The following MAEA variants were observed in gnomAD, a reference collection of about 807,000 sequenced individuals.
MAEA encodes the protein E3 ubiquitin-protein transferase MAEA.
MAEA carries 22 observed loss-of-function variants against 46.2 expected under a neutral mutation model. The ratio of observed to expected loss-of-function variants is 0.48; its 90% CI spans 0.34 to 0.68. The LOEUF is 0.68. MAEA is among the 30% of genes least tolerant of loss of function. The pLI, the probability that MAEA is intolerant of heterozygous loss-of-function variation, is 0.01. For missense variants in MAEA, 393 were observed against 558.1 expected (o/e 0.70, Z 2.98); for synonymous variants, 246 against 222.6 (o/e 1.11, Z -0.94).
chr4:1,292,107 C>T (rs114194415), intron 1 of MAEA, among the ~76,000 whole-genome samples: 6 of 152,238 alleles, frequency 3.9e-5, no homozygotes, highest in Admixed American at 1.3e-4. Context: ...GAGAAGGGAC[C>T]GAGGGCTGCA....
intron 1 of MAEA, among the ~76,000 whole-genome samples, chr4:1,308,469 A>G (rs760670116): frequency 7.9e-5 from 12 of 152,196 alleles, no homozygotes; most frequent in Non-Finnish European, 1.2e-4. Context: ...CTGGGGACTC[A>G]GGAGCCTTGT....
chr4:1,315,943 C>T (rs950336611), intron 3 of MAEA, among the ~76,000 whole-genome samples: 2 of 143,062 alleles, frequency 1.4e-5, no homozygotes, highest in African/African-American at 2.6e-5. Flanking sequence ...TGAGGGCCTC[C>T]TCCCCAGCTG....
intron 4 of MAEA, among the ~76,000 whole-genome samples, chr4:1,324,988 AT>A (rs1380928658): frequency 3.9e-5 from 6 of 152,026 alleles, no homozygotes; most frequent in African/African-American, 1.5e-4. Flanking sequence ...CTGAATCCAT[AT>A]TTAGATGCTG....
intron 3 of MAEA, among the ~76,000 whole-genome samples, chr4:1,319,493 G>A (rs998048069): frequency 6.6e-5 from 10 of 152,260 alleles, no homozygotes; most frequent in South Asian, 6.2e-4. Flanking sequence ...CCGGAGACCC[G>A]GACATTGGAG....
chr4:1,316,624 C>T (rs1415835004), intron 3 of MAEA, among the ~76,000 whole-genome samples: 1 of 152,114 alleles, frequency 6.6e-6, no homozygotes, highest in Non-Finnish European at 1.5e-5. Context: ...CACCTCCTCC[C>T]TGCTTCTGTC....
At chr4:1,308,887 T>G in intron 1 of MAEA, among the ~76,000 whole-genome samples, 1 of 152,228 alleles carries the variant, frequency 6.6e-6, no homozygotes, top group East Asian at 1.9e-4. Context: ...GCTCTGCAGT[T>G]TTTAAGTTTG....
In MAEA at chr4:1,298,118, A is replaced by T. The variant is rs1353446699; in HGVS notation, c.69+8136A>T. 5.3e-5 allele frequency: 24 copies of T among 455,628 alleles called. No homozygotes were observed. The Middle Eastern group carries it at 9.9e-4, about 19-fold the overall frequency. The allele number at this position is 455,628 out of a possible 1,614,324, so 28.2% of individuals were successfully genotyped here. A position where few individuals can be genotyped will look rare whatever the true frequency, so the allele number is the denominator to read the frequency against. On this transcript the variant is annotated intron_variant, in intron 1 of 8. Transcript: ENST00000303400. ...CATTTTAGCACCCTGTACCCCAGGT[A>T]CTGTTCCATATGCCCCTCCTTCTCC...
At chr4:1,316,199 G>A (rs1047596604) in intron 3 of MAEA, among the ~76,000 whole-genome samples, 8 of 152,266 alleles carry the variant, frequency 5.3e-5, no homozygotes, top group African/African-American at 1.7e-4. Flanking sequence ...GTGGCACCCT[G>A]TAGAAACACG....
In MAEA at chr4:1,311,495, G is replaced by A. The variant is rs564573403; in HGVS notation, c.70-484G>A. ...GTCGTGCACTTGTGGCTTCCCGTGC[G>A]TGTGTGAGGCTTGCTGTGCCCAACC... is the stretch of plus-strand genomic sequence containing the variant. On this transcript the variant is annotated intron_variant, in intron 1 of 8. Coordinates refer to ENST00000303400, the MANE Select transcript of MAEA (RefSeq NM_001017405.3). The surrounding 1 kb of genome is among the most constrained non-coding windows in gnomAD (Gnocchi z 4.4). Among the ~76,000 whole-genome samples, 3 of 152,300 alleles carry A rather than the reference G, an allele frequency of 2.0e-5. No individual in the cohort carries two copies. The East Asian group carries it at 5.8e-4, about 29-fold the overall frequency.
At chr4:1,321,307 T>A (rs561277690) in intron 3 of MAEA, among the ~76,000 whole-genome samples, 62 of 145,834 alleles carry the variant, frequency 4.3e-4, no homozygotes, top group African/African-American at 1.4e-3. Flanking sequence ...TTAAAAAAGA[T>A]ATCATCAAAG....
intron 5 of MAEA, chr4:1,330,017 T>C: frequency 1.0e-6 from 1 of 985,324 alleles, no homozygotes; most frequent in Non-Finnish European, 1.2e-6. Flanking sequence ...AGTCCTGCTG[T>C]CTGTGGAGCC....
intron 6 of MAEA, chr4:1,335,107 GCT>G: frequency 2.0e-6 from 2 of 985,310 alleles, no homozygotes; most frequent in African/African-American, 3.5e-5. Flanking sequence ...GCTCACACAC[GCT>G]CTCTCTCTTA....
Position 1,311,031 on chromosome 4 carries a change from A to G in MAEA, c.70-948A>G, listed in dbSNP as rs376997848. 6.5e-4 allele frequency among the ~76,000 whole-genome samples: 98 copies of G among 150,740 alleles called. 3 individuals are homozygous for G. In the South Asian group the frequency reaches 0.016, roughly 24 times the overall value. ...GCTGACACGAGGTCGAGGCGTGCCC[A>G]GGGCCGGGGGAGCAGGCGGTACCCG... On this transcript the variant is annotated intron_variant, in intron 1 of 8. Transcript: ENST00000303400. This position sits in a 1 kb window ranked among gnomAD's most constrained non-coding sequence, Gnocchi z 4.4.
intron 4 of MAEA, among the ~76,000 whole-genome samples, chr4:1,326,929 G>A (rs945422503): frequency 6.6e-6 from 1 of 151,938 alleles, no homozygotes; most frequent in African/African-American, 2.4e-5. Context: ...CTGCAAGCTT[G>A]CTTCTCTGCC....
At chr4:1,294,273 G>A (rs1197034900) in intron 1 of MAEA, among the ~76,000 whole-genome samples, 2 of 151,994 alleles carry the variant, frequency 1.3e-5, no homozygotes, top group Non-Finnish European at 1.5e-5. Flanking sequence ...GCTGGCTTCC[G>A]CGGCCTCCGC....
At chr4:1,292,081 G>T (rs1367719143) in intron 1 of MAEA, among the ~76,000 whole-genome samples, 1 of 152,206 alleles carries the variant, frequency 6.6e-6, no homozygotes, top group Non-Finnish European at 1.5e-5. Flanking sequence ...TCCAGGAGGG[G>T]CCAGTGCAGA....
intron 1 of MAEA, among the ~76,000 whole-genome samples, chr4:1,296,633 C>G: frequency 9.2e-6 from 1 of 108,168 alleles, no homozygotes; most frequent in Admixed American, 1.0e-4. Context: ...CTCGTGAAAA[C>G]CCCTTCCTTG....
intron 1 of MAEA, 34 bp downstream of exon 1, chr4:1,290,016 G>A (rs1193136457): frequency 1.3e-6 from 2 of 1,540,774 alleles, no homozygotes; most frequent in Non-Finnish European, 1.8e-6. Context: ...TGAGGGCAGC[G>A]AAGGCGTCTC....
intron 4 of MAEA, chr4:1,323,348 C>G (rs2108962877): frequency 1.6e-6 from 1 of 617,896 alleles, no homozygotes; most frequent in South Asian, 1.9e-5. Context: ...TAGGGGCTTG[C>G]AGAAATGTTT....
Sources: allele counts gnomAD v4.1 joint callset (sites outside exome capture counted in the v4.1 genomes callset), GRCh38; gene constraint gnomAD v4.1.1; non-coding constraint Gnocchi (gnomAD v3.1); transcripts MANE v1.5; gene names NCBI Gene and HGNC (gene_info 2026-07-23, HGNC 2026-07-21).